ZMYM2: variants seen among roughly 807,000 people sequenced by gnomAD.
ZMYM2 encodes zinc finger MYM-type protein 2.
ZMYM2 carries 56 observed loss-of-function variants against 162.8 expected under a neutral mutation model. That is an observed-to-expected ratio of 0.34 (90% CI 0.28 to 0.43). The LOEUF (loss-of-function observed/expected upper bound fraction) is 0.43. Among genes scored for constraint, ZMYM2 ranks in the 20% least tolerant of loss-of-function variants. The pLI, the probability that ZMYM2 is intolerant of heterozygous loss-of-function variation, is 1.00. For synonymous variants in ZMYM2, 510 were observed against 541.6 expected (o/e 0.94, Z 0.81); for missense variants, 1,275 against 1,621.8 (o/e 0.79, Z 3.67).
chr13:20,036,262 A>C (rs1953690880), intron 11 of ZMYM2, among the ~76,000 whole-genome samples: 1 of 61,250 alleles, frequency 1.6e-5, no homozygotes, highest in African/African-American at 3.3e-5. Flanking sequence ...GCAAGTCAAT[A>C]AATCTGTTTT....
chr13:19,944,185 A>G, the ZMYM2 span, among the ~76,000 whole-genome samples: 5 of 152,224 alleles, frequency 3.3e-5, no homozygotes, highest in Non-Finnish European at 7.3e-5. Context: ...CCACAGAGAC[A>G]GTTACTTAGC....
chr13:19,917,048 T>C, the ZMYM2 span, among the ~76,000 whole-genome samples: 5 of 152,230 alleles, frequency 3.3e-5, no homozygotes, highest in Middle Eastern at 3.4e-3. Context: ...CTGCAAACTC[T>C]GCCTCCCGGG....
intron 2 of ZMYM2, among the ~76,000 whole-genome samples, chr13:19,991,153 G>T (rs1272588924): frequency 6.6e-6 from 1 of 150,692 alleles, no homozygotes; most frequent in African/African-American, 2.5e-5. Flanking sequence ...TTGCTCTGTT[G>T]CCCAGGCTGG....
chr13:20,012,276 AG>A (rs879285641), intron 6 of ZMYM2, among the ~76,000 whole-genome samples: 38 of 152,228 alleles, frequency 2.5e-4, no homozygotes, highest in African/African-American at 8.7e-4. Flanking sequence ...CCTGGGTCCA[AG>A]CGATTCTTCT....
At chr13:19,885,979 A>ATGTGTATACACATATACG in the ZMYM2 span, among the ~76,000 whole-genome samples, 2 of 34,058 alleles carry the variant, frequency 5.9e-5, 1 homozygote, top group Non-Finnish European at 1.3e-4. Flanking sequence ...ACACATATAT[A>ATGTGTATACACATATACG]TGTATATACA....
chr13:20,061,192 A>C lies in ZMYM2; in HGVS notation c.2879A>C (p.Asp960Ala). 6.2e-7 allele frequency: 1 copy of C among 1,613,818 alleles called. No homozygotes were observed. ...LLTMTDMMSEDEGKTETTNIN... is the reference protein window; with the variant it reads ...LLTMTDMMSEAEGKTETTNIN... ...ACAATGACGGATATGATGAGTGAAG[A>C]CGAGGGGAAAACAGAGACAACCAAC... Residue 960 changes from aspartate (D) to alanine (A), a missense_variant, in exon 17 of 25, where the codon GAC becomes GCC. Asp to Ala is a moderately radical substitution (Grantham distance 126). Transcript: ENST00000610343.
At chr13:20,067,831 GGAGA>G (rs1469759729) in intron 21 of ZMYM2, among the ~76,000 whole-genome samples, 1 of 152,134 alleles carries the variant, frequency 6.6e-6, no homozygotes. Flanking sequence ...CAGTAAACAT[GGAGA>G]TCAACTTTAA....
intron 2 of ZMYM2, among the ~76,000 whole-genome samples, chr13:19,978,642 C>T (rs760958986): frequency 4.6e-5 from 7 of 151,998 alleles, no homozygotes; most frequent in African/African-American, 7.2e-5. Context: ...CTGAAACTCC[C>T]GACCTCAGGT....
At chr13:19,942,539 CAA>C in the ZMYM2 span, among the ~76,000 whole-genome samples, 19 of 57,222 alleles carry the variant, frequency 3.3e-4, no homozygotes, top group African/African-American at 2.1e-4. Context: ...ACCGTCTCTA[CAA>C]AAAAAAAAAA....
chr13:19,903,483 C>CAA, the ZMYM2 span, among the ~76,000 whole-genome samples: 16 of 83,708 alleles, frequency 1.9e-4, no homozygotes, highest in African/African-American at 4.8e-4. Flanking sequence ...ACTAAAAATA[C>CAA]AAAAAAAAAA....
chr13:19,961,480 A>G (rs1401705801), intron 2 of ZMYM2, among the ~76,000 whole-genome samples: 7 of 152,220 alleles, frequency 4.6e-5, no homozygotes, highest in Admixed American at 3.3e-4. Flanking sequence ...GCATCAGATC[A>G]TTCAATAATG....
At chr13:19,886,602 G>C in the ZMYM2 span, among the ~76,000 whole-genome samples, 2 of 151,734 alleles carry the variant, frequency 1.3e-5, no homozygotes, top group Non-Finnish European at 2.9e-5. Flanking sequence ...GAAGAAGCTG[G>C]ACAATTTGTC....
At chr13:19,997,507 GTGTGTGTA>G (rs779734278) in intron 3 of ZMYM2, among the ~76,000 whole-genome samples, 6 of 152,124 alleles carry the variant, frequency 3.9e-5, no homozygotes, top group Non-Finnish European at 7.4e-5. Context: ...GTAGGTAGAA[GTGTGTGTA>G]TGTGTGTATG....
chr13:20,018,561 T>G (rs1026278574), intron 6 of ZMYM2, among the ~76,000 whole-genome samples: 2 of 152,236 alleles, frequency 1.3e-5, no homozygotes, highest in African/African-American at 2.4e-5. Context: ...CTCTCATTGC[T>G]CACTTAGTTT....
intron 1 of ZMYM2, among the ~76,000 whole-genome samples, chr13:19,959,192 G>A (rs1455198091): frequency 6.8e-6 from 1 of 148,028 alleles, no homozygotes; most frequent in Non-Finnish European, 1.5e-5. Flanking sequence ...GGGACGGCGG[G>A]ACGGCGGGGC....
the ZMYM2 span, among the ~76,000 whole-genome samples, chr13:19,884,143 G>A: frequency 1.4e-4 from 21 of 152,276 alleles, no homozygotes; most frequent in East Asian, 2.1e-3. Context: ...GGCTGAGGCA[G>A]GATTGCTTGA....
chr13:19,882,301 G>C, the ZMYM2 span, among the ~76,000 whole-genome samples: 1 of 152,122 alleles, frequency 6.6e-6, no homozygotes. Context: ...TATCCAGAAT[G>C]TATAAAGAAC....
chr13:20,029,742 A>G (rs1399570570), intron 9 of ZMYM2, among the ~76,000 whole-genome samples: 2 of 152,174 alleles, frequency 1.3e-5, no homozygotes, highest in African/African-American at 4.8e-5. Flanking sequence ...CATTCAGATT[A>G]GGAATTAGAA....
At chr13:20,047,717 CTG>C (rs1321828827) in intron 12 of ZMYM2, among the ~76,000 whole-genome samples, 2 of 152,036 alleles carry the variant, frequency 1.3e-5, no homozygotes, top group East Asian at 3.8e-4. Flanking sequence ...ACTGAATGAG[CTG>C]TGTTTTCTGG....
Sources: gnomAD v4.1 joint callset for allele counts (sites outside exome capture counted in the v4.1 genomes callset) on GRCh38, gnomAD v4.1.1 for gene constraint, MANE v1.5 for transcripts, NCBI Gene and HGNC (gene_info 2026-07-23, HGNC 2026-07-21) for gene names.